ETV5: variants seen among roughly 807,000 people sequenced by gnomAD.
ETV5 encodes ETS translocation variant 5.
Under a neutral mutation model 70.0 loss-of-function variants are expected in ETV5, and 10 were observed. The observed-to-expected ratio is 0.14, with a 90% CI of 0.09 to 0.24. ETV5 has a LOEUF of 0.24. ETV5 is among the 10% of genes least tolerant of loss of function. The pLI is 1.00. For synonymous variants in ETV5, 216 were observed against 242.2 expected (o/e 0.89, Z 1.01); for missense variants, 453 against 651.2 (o/e 0.70, Z 3.31).
intron 9 of ETV5, among the ~76,000 whole-genome samples, chr3:186,061,782 A>G (rs1246612787): frequency 2.6e-5 from 4 of 152,100 alleles, no homozygotes; most frequent in African/African-American, 7.2e-5. Context: ...TTTCCATCAA[A>G]TGAGCCCACT....
rs35154225 is a variant in ETV5, at chr3:186,102,636, C to CA, written c.232+2668dup. Among the ~76,000 whole-genome samples the CA allele has an allele frequency of 5.5e-3, 506 of 91,732 alleles. 2 individuals are homozygous for CA. Among genetic ancestry groups the CA allele is most frequent in the African/African-American group, 0.015 (359 of 23,796 alleles). The allele number at this position is 91,732 out of a possible 152,430, so 60.2% of individuals were successfully genotyped here. On this transcript the variant is annotated intron_variant, in intron 5 of 12. Transcript: ENST00000306376. ...TGGGTGACGAGCAAAACTCTCTCTCCAAAAAAAAAAAAAAAAAAAAAGGTT... is the reference window on the plus strand; with the variant it reads ...TGGGTGACGAGCAAAACTCTCTCTCCAAAAAAAAAAAAAAAAAAAAAAGGTT...
chr3:186,092,873 G>A (rs942925433), intron 5 of ETV5, among the ~76,000 whole-genome samples: 5 of 152,124 alleles, frequency 3.3e-5, no homozygotes, highest in South Asian at 2.1e-4. Flanking sequence ...TCGAGCTGAC[G>A]ATAGCAACAT....
At chr3:186,107,022 T>A (rs866418967) in intron 1 of ETV5, 1 of 881,124 alleles carries the variant, frequency 1.1e-6, no homozygotes, top group Non-Finnish European at 1.4e-6. Context: ...AACAGGAAAC[T>A]TTTCCCCCGG....
intron 9 of ETV5, among the ~76,000 whole-genome samples, chr3:186,060,116 A>C (rs776786848): frequency 3.9e-5 from 6 of 152,228 alleles, no homozygotes; most frequent in Non-Finnish European, 5.9e-5. Context: ...CTTATTATAA[A>C]GTCATTACAA....
intron 5 of ETV5, chr3:186,084,282 TAAAAAAAA>T: frequency 2.3e-5 from 5 of 216,740 alleles, no homozygotes; most frequent in South Asian, 3.4e-5. Flanking sequence ...AAAGAAATGC[TAAAAAAAA>T]AAAAAAAAAA....
At chr3:186,091,739 A>T (rs544867830) in intron 5 of ETV5, among the ~76,000 whole-genome samples, 1 of 152,356 alleles carries the variant, frequency 6.6e-6, no homozygotes, top group African/African-American at 2.4e-5. Flanking sequence ...AAGGCTTTGA[A>T]TGTATTATCA....
intron 9 of ETV5, among the ~76,000 whole-genome samples, chr3:186,061,453 G>T (rs774708544): frequency 1.3e-5 from 2 of 152,306 alleles, no homozygotes; most frequent in East Asian, 3.9e-4. Flanking sequence ...GGGCCCCACC[G>T]CTGGGGGTTC....
At chr3:186,063,432 T>C (rs1292380635) in intron 9 of ETV5, among the ~76,000 whole-genome samples, 4 of 152,244 alleles carry the variant, frequency 2.6e-5, no homozygotes, top group Non-Finnish European at 5.9e-5. Context: ...TCAGCACTAA[T>C]GAAGGCAAAG....
chr3:186,091,851 T>C (rs1457436129), intron 5 of ETV5, among the ~76,000 whole-genome samples: 4 of 152,212 alleles, frequency 2.6e-5, no homozygotes, highest in Non-Finnish European at 5.9e-5. Context: ...TTTTGAAGTT[T>C]TGATGGCCTT....
rs746697892 is a variant in ETV5, at chr3:186,048,900, A to G, written c.1312-40T>C. 103 of 1,531,318 alleles carry G rather than the reference A, an allele frequency of 6.7e-5. No individual in the cohort carries two copies. The East Asian group carries it at 2.0e-3, about 29-fold the overall frequency. 94.9% of individuals were successfully genotyped at this position (1,531,318 alleles called of 1,614,324 possible). A position where few individuals can be genotyped will look rare whatever the true frequency, so the allele number is the denominator to read the frequency against. On this transcript the variant is annotated intron_variant, in intron 12 of 12. Coordinates refer to ENST00000306376, the MANE Select transcript of ETV5 (RefSeq NM_004454.3). ...ACACCTTACAGGGCCCAGTTGGAAC[A>G]GGGCATGGGATCAGGGGAAGAGAAC...
At chr3:186,078,672 T>C (rs751955605) in intron 7 of ETV5, among the ~76,000 whole-genome samples, 14 of 152,130 alleles carry the variant, frequency 9.2e-5, no homozygotes, top group Middle Eastern at 3.4e-3. Flanking sequence ...CCGGTGGCAA[T>C]AGAGGCCCAC....
At chr3:186,108,373 C>A (rs1578566890) in intron 1 of ETV5, 1 of 607,488 alleles carries the variant, frequency 1.6e-6, no homozygotes, top group East Asian at 6.7e-5. Context: ...AGCAGGGCGA[C>A]TGGATGTCCA....
intron 5 of ETV5, chr3:186,084,202 G>C (rs751208669): frequency 3.3e-5 from 15 of 449,870 alleles, no homozygotes; most frequent in Non-Finnish European, 5.3e-5. Flanking sequence ...TGATGACAGA[G>C]ACCCAGGACT....
intron 5 of ETV5, among the ~76,000 whole-genome samples, chr3:186,082,610 AG>A (rs1337719114): frequency 2.0e-5 from 3 of 152,098 alleles, no homozygotes; most frequent in African/African-American, 7.2e-5. Context: ...TAGTAAAGAC[AG>A]GGTTTCACCA....
intron 7 of ETV5, 73 bp downstream of exon 7, chr3:186,079,744 G>C: frequency 6.8e-7 from 1 of 1,475,928 alleles, no homozygotes; most frequent in Non-Finnish European, 9.1e-7. Context: ...AAGACAAACT[G>C]CTTCCCCTCT....
At chr3:186,078,950 T>C (rs547848685) in intron 7 of ETV5, 2 of 519,880 alleles carry the variant, frequency 3.8e-6, no homozygotes, top group South Asian at 1.8e-4. Flanking sequence ...GGGAAAGGTA[T>C]ACTCATATAT....
chr3:186,064,602 C>A, intron 8 of ETV5, 126 bp from the exon 9 acceptor site: 1 of 936,396 alleles, frequency 1.1e-6, no homozygotes, highest in African/African-American at 1.6e-5. Context: ...GTCTTTCTGG[C>A]TTTGTCCTGG....
At chr3:186,104,620 T>C (rs1346442984) in intron 5 of ETV5, among the ~76,000 whole-genome samples, 1 of 152,134 alleles carries the variant, frequency 6.6e-6, no homozygotes, top group African/African-American at 2.4e-5. Context: ...ATCAAGGACT[T>C]AATTTATAAA....
chr3:186,108,550 G>A (rs1339311296), intron 1 of ETV5: 1 of 1,275,232 alleles, frequency 7.8e-7, no homozygotes, highest in East Asian at 5.7e-5. Flanking sequence ...CAACTGCGGA[G>A]CTCCGCCAAG....
Sources: gnomAD v4.1 joint callset for allele counts (sites outside exome capture counted in the v4.1 genomes callset) on GRCh38, gnomAD v4.1.1 for gene constraint, MANE v1.5 for transcripts, NCBI Gene and HGNC (gene_info 2026-07-23, HGNC 2026-07-21) for gene names.